Variants in MYZAP observed in about 807,000 individuals in gnomAD.
MYZAP encodes the protein GRINL1A complex locus upstream.
A neutral mutation model predicts 69.4 loss-of-function variants in MYZAP; 66 were observed. That is an observed-to-expected ratio of 0.95 (90% CI 0.78 to 1.17). The LOEUF is 1.17. MYZAP is among the 50% of genes most tolerant of loss of function. MYZAP has a pLI of 0.00. For synonymous variants in MYZAP, 256 were observed against 205.9 expected (o/e 1.24, Z -2.09); for missense variants, 611 against 556.2 (o/e 1.10, Z -0.99).
chr15:57,592,048 C>G lies in MYZAP; in HGVS notation c.14C>G (p.Thr5Arg). ...CGCCGCTGCGGGATGCTGCGCTCCA[C>G]GTCCACGGTCACCCTGCTCTCGGGC... MLRS[T>R]STVTLLSGGA... The change falls in exon 1 of 13, where the codon ACG becomes AGG. Residue 5 changes from threonine to arginine, a missense_variant. Physicochemically the swap from Thr to Arg is moderately conservative, Grantham distance 71. Transcript: ENST00000267853. 1 of 1,432,386 alleles carries G rather than the reference C, an allele frequency of 7.0e-7. No individual in the cohort carries two copies. The highest frequency in any genetic ancestry group is 9.1e-7 in the Non-Finnish European group (1 of 1,097,218). 88.7% of individuals were successfully genotyped at this position (1,432,386 alleles called of 1,614,324 possible).
chr15:57,654,002 C>CAAAAAAAAAAAA lies in MYZAP; in HGVS notation c.1120-7429_1120-7418dup, dbSNP rs398043344. ...CCTGGGTTACAGAGGCAAACGCTGT[C>CAAAAAAAAAAAA]AAAAAAAAAAAAAAAAAAAAAAAAA... On this transcript the variant is annotated intron_variant, in intron 10 of 12. Coordinates refer to ENST00000267853, the MANE Select transcript of MYZAP (RefSeq NM_001018100.5). Among the ~76,000 whole-genome samples, 9 of 36,092 alleles carry CAAAAAAAAAAAA rather than the reference C, an allele frequency of 2.5e-4. 1 individual carries two copies. The highest frequency in any genetic ancestry group is 1.5e-3 in the East Asian group (1 of 664). The allele number at this position is 36,092 out of a possible 152,430, so 23.7% of individuals were successfully genotyped here.
At chr15:57,646,039 G>C in intron 10 of MYZAP, 1 of 630,996 alleles carries the variant, frequency 1.6e-6, no homozygotes, top group Non-Finnish European at 2.5e-6. Context: ...AGGATTTCAA[G>C]TACTTCTCAT....
chr15:57,620,177 G>A (rs143608872), intron 3 of MYZAP, among the ~76,000 whole-genome samples: 1 of 152,172 alleles, frequency 6.6e-6, no homozygotes, highest in Non-Finnish European at 1.5e-5. Flanking sequence ...GTACTTCATG[G>A]CAAGAAAGTA....
At chr15:57,657,200 C>T (rs753847930) in intron 10 of MYZAP, among the ~76,000 whole-genome samples, 17 of 152,154 alleles carry the variant, frequency 1.1e-4, no homozygotes, top group Non-Finnish European at 2.4e-4. Context: ...GACAGTGAAA[C>T]GAGTGTATTT....
At chr15:57,616,499 G>A (rs1229695364) in intron 2 of MYZAP, among the ~76,000 whole-genome samples, 1 of 152,148 alleles carries the variant, frequency 6.6e-6, no homozygotes. Context: ...TTAGTTGGGC[G>A]TGGTGGCGCG....
rs1028533432 is a variant in MYZAP at position 57,611,802 on chromosome 15, C to A, written c.163-6231C>A. Among the ~76,000 whole-genome samples, 11 of 152,110 alleles carry A rather than the reference C, an allele frequency of 7.2e-5. 1 individual carries two copies. On this transcript the variant is annotated intron_variant, in intron 2 of 12. Coordinates refer to ENST00000267853, the MANE Select transcript of MYZAP (RefSeq NM_001018100.5). Reference sequence around the variant, plus strand: ...GGAAAGCAGTGGCTATTCCCAGGTGCAATCATAGCACACGATTGCCTTGAA... The same window carrying A: ...GGAAAGCAGTGGCTATTCCCAGGTGAAATCATAGCACACGATTGCCTTGAA...
intron 6 of MYZAP, 44 bp from the exon 7 acceptor site, chr15:57,632,390 T>A (rs749513671): frequency 6.2e-7 from 1 of 1,612,882 alleles, no homozygotes; most frequent in Non-Finnish European, 8.5e-7. Context: ...CCAATTCCTC[T>A]GGGCCCTGCA....
At chr15:57,678,113 A>G (rs2039236755) in intron 12 of MYZAP, among the ~76,000 whole-genome samples, 1 of 151,882 alleles carries the variant, frequency 6.6e-6, no homozygotes, top group South Asian at 2.1e-4. Flanking sequence ...CTGTAATCCT[A>G]GCACTTTGGG....
intron 3 of MYZAP, among the ~76,000 whole-genome samples, chr15:57,619,166 T>G (rs117383937): frequency 2.6e-5 from 4 of 152,166 alleles, no homozygotes; most frequent in Non-Finnish European, 5.9e-5. Context: ...TGCAAACTCA[T>G]GATGTCTTCG....
chr15:57,634,767 T>G (rs531518182), intron 8 of MYZAP, among the ~76,000 whole-genome samples: 11 of 152,314 alleles, frequency 7.2e-5, no homozygotes, highest in African/African-American at 2.6e-4. Context: ...TTGGGCAAAC[T>G]AAAGAGTCAA....
chr15:57,639,392 G>A, intron 9 of MYZAP, 48 bp from the exon 10 acceptor site: 1 of 1,595,126 alleles, frequency 6.3e-7, no homozygotes, highest in Non-Finnish European at 8.6e-7. Flanking sequence ...TACTGCTGTT[G>A]CTGCTTTGGT....
At chr15:57,652,893 G>A (rs1203053006) in intron 10 of MYZAP, among the ~76,000 whole-genome samples, 3 of 152,186 alleles carry the variant, frequency 2.0e-5, no homozygotes, top group African/African-American at 7.2e-5. Flanking sequence ...TGAAAAGGCT[G>A]TAAGAACTCA....
Position 57,629,737 on chromosome 15 carries a change from C to T in MYZAP, c.561C>T (p.Asn187=), listed in dbSNP as rs2036382551. The change falls in exon 6 of 13, where the codon AAC becomes AAT. Residue 187 remains asparagine, a synonymous_variant. Coordinates refer to ENST00000267853, the MANE Select transcript of MYZAP (RefSeq NM_001018100.5). ...TLVDVTLENS[N]IKDQIRNLQQ... ...TGGATGTGACTTTGGAAAACAGCAACATTAAGGATCAAATCAGAAATCTGC... is the reference window on the plus strand; with the variant it reads ...TGGATGTGACTTTGGAAAACAGCAATATTAAGGATCAAATCAGAAATCTGC... The T allele has an allele frequency of 1.9e-6, 3 of 1,612,034 alleles. No homozygotes were observed. Among genetic ancestry groups the T allele is most frequent in the East Asian group, 4.5e-5 (2 of 44,864 alleles).
chr15:57,632,114 A>G (rs1466464062), intron 6 of MYZAP, among the ~76,000 whole-genome samples: 1 of 152,268 alleles, frequency 6.6e-6, no homozygotes, highest in Non-Finnish European at 1.5e-5. Context: ...GGTCTTACCT[A>G]GAAACTGGCT....
intron 6 of MYZAP, among the ~76,000 whole-genome samples, chr15:57,630,303 C>T (rs2036426367): frequency 1.3e-5 from 2 of 151,510 alleles, no homozygotes; most frequent in Non-Finnish European, 2.9e-5. Context: ...CCCCATTGGG[C>T]ATGCCTTTCT....
chr15:57,638,890 C>T (rs2036968625), intron 9 of MYZAP, among the ~76,000 whole-genome samples: 1 of 152,110 alleles, frequency 6.6e-6, no homozygotes, highest in Non-Finnish European at 1.5e-5. Context: ...ACTGGATGTT[C>T]CAATATGTTA....
intron 2 of MYZAP, among the ~76,000 whole-genome samples, chr15:57,607,772 A>G (rs139411367): frequency 1.7e-3 from 266 of 152,250 alleles, no homozygotes; most frequent in African/African-American, 6.2e-3. Context: ...TTCCCTAGGG[A>G]TGAAGTCCTT....
intron 1 of MYZAP, among the ~76,000 whole-genome samples, chr15:57,596,965 C>T (rs539700345): frequency 6.6e-6 from 1 of 152,318 alleles, no homozygotes; most frequent in East Asian, 1.9e-4. Flanking sequence ...GGAACCACCC[C>T]TCCCCAGGCC....
At chr15:57,597,408 A>G (rs1475395611) in intron 1 of MYZAP, among the ~76,000 whole-genome samples, 5 of 152,226 alleles carry the variant, frequency 3.3e-5, no homozygotes. Context: ...AAGGCTAACA[A>G]TATTTCTTTA....
Sources: gnomAD v4.1 joint callset for allele counts (sites outside exome capture counted in the v4.1 genomes callset) on GRCh38, gnomAD v4.1.1 for gene constraint, MANE v1.5 for transcripts, NCBI Gene and HGNC (gene_info 2026-07-23, HGNC 2026-07-21) for gene names.